CNTNAP2: variants seen among roughly 807,000 people sequenced by gnomAD.
The protein encoded by CNTNAP2 is contactin-associated protein-like 2.
CNTNAP2 carries 98 observed loss-of-function variants against 155.2 expected under a neutral mutation model. That is an observed-to-expected ratio of 0.63 (90% CI 0.54 to 0.75). The LOEUF is 0.75. Ranked by LOEUF, CNTNAP2 falls within the 30% of genes least tolerant of loss-of-function variation. The probability of loss-of-function intolerance (pLI) is 0.00; values close to 1 mark genes in which losing one functional copy is unlikely to be tolerated. For missense variants in CNTNAP2, 1,727 were observed against 1,688.1 expected (o/e 1.02, Z -0.40); for synonymous variants, 651 against 631.2 (o/e 1.03, Z -0.47).
Position 148,229,679 on chromosome 7 carries a change from C to G in CNTNAP2, c.3281C>G (p.Thr1094Ser), listed in dbSNP as rs781096937. 1.9e-6 allele frequency: 3 copies of G among 1,614,106 alleles called. No homozygotes were observed. The highest frequency in any genetic ancestry group is 2.5e-6 in the Non-Finnish European group (3 of 1,180,008). Residue 1094 changes from threonine to serine, a missense_variant, in exon 20 of 24, where the codon ACC (threonine) becomes AGC (serine). By Grantham distance (58) the Thr-to-Ser change is moderately conservative (BLOSUM62 1). Coordinates refer to ENST00000361727, the MANE Select transcript of CNTNAP2 (RefSeq NM_014141.6). ...CAGATTCGATACAACCTGGGTGGCACCCGAGAGCCATACAATATTGACGTA... is the reference window on the plus strand; with the variant it reads ...CAGATTCGATACAACCTGGGTGGCAGCCGAGAGCCATACAATATTGACGTA... ...SLQIRYNLGG[T>S]REPYNIDVDH...
intron 13 of CNTNAP2, among the ~76,000 whole-genome samples, chr7:147,789,689 A>C (rs1033363130): frequency 2.2e-4 from 34 of 152,160 alleles, no homozygotes; most frequent in African/African-American, 8.2e-4. Flanking sequence ...GGCACCATCT[A>C]TTGGCTGCTA....
intron 2 of CNTNAP2, among the ~76,000 whole-genome samples, chr7:146,808,924 GCTT>G (rs1803015468): frequency 6.6e-6 from 1 of 152,132 alleles, no homozygotes; most frequent in Admixed American, 6.5e-5. Context: ...ATGTGTTTGT[GCTT>G]GTGTGCATAC....
intron 2 of CNTNAP2, among the ~76,000 whole-genome samples, chr7:146,800,239 C>T (rs1158186588): frequency 6.6e-6 from 1 of 151,756 alleles, no homozygotes; most frequent in Non-Finnish European, 1.5e-5. Flanking sequence ...CAGCTACAAT[C>T]AGATTTGAAA....
At chr7:146,729,930 G>T (rs200761804) in intron 1 of CNTNAP2, among the ~76,000 whole-genome samples, 2 of 152,126 alleles carry the variant, frequency 1.3e-5, no homozygotes, top group East Asian at 1.9e-4. Flanking sequence ...AAGTTTTTAG[G>T]TAATCAATCT....
chr7:147,939,373 G>C (rs1395979793), intron 14 of CNTNAP2, among the ~76,000 whole-genome samples: 2 of 151,996 alleles, frequency 1.3e-5, no homozygotes, highest in Non-Finnish European at 1.5e-5. Flanking sequence ...CTGTGGCCCA[G>C]GCTGGAGTGC....
rs1797334907 is a variant in CNTNAP2, at chr7:146,952,382, C to T, written c.403-91525C>T. Among the ~76,000 whole-genome samples the T allele has an allele frequency of 2.6e-5, 4 of 152,014 alleles. No individual in the cohort carries two copies. The South Asian group carries it at 8.3e-4, about 32-fold the overall frequency. On this transcript the variant is annotated intron_variant, in intron 3 of 23. Coordinates refer to ENST00000361727, the MANE Select transcript of CNTNAP2 (RefSeq NM_014141.6). ...GAAAACTGGCACAAGACAAGTATGC[C>T]CTCTCTCACCACTCCTATTCAACAG...
At chr7:146,483,282 A>AATATATATATATATAT (rs200796835) in intron 1 of CNTNAP2, among the ~76,000 whole-genome samples, 1 of 39,870 alleles carries the variant, frequency 2.5e-5, no homozygotes, top group Non-Finnish European at 5.0e-5. Flanking sequence ...TCTAAAAAAA[A>AATATATATATATATAT]ATATATATAT....
chr7:147,466,975 C>T (rs578105646), intron 10 of CNTNAP2, among the ~76,000 whole-genome samples: 47 of 152,282 alleles, frequency 3.1e-4, no homozygotes, highest in African/African-American at 1.1e-3. Context: ...GGGAGAATAT[C>T]TTTTATTTAA....
intron 11 of CNTNAP2, among the ~76,000 whole-genome samples, chr7:147,541,258 T>C (rs535625797): frequency 1.3e-5 from 2 of 152,306 alleles, no homozygotes; most frequent in South Asian, 2.1e-4. Flanking sequence ...GGCTATAGGC[T>C]CAAATCTCAT....
chr7:146,317,020 G>A (rs772616277), intron 1 of CNTNAP2, among the ~76,000 whole-genome samples: 23 of 152,052 alleles, frequency 1.5e-4, no homozygotes, highest in South Asian at 4.1e-4. Flanking sequence ...GTTATGTACC[G>A]CATACCATGA....
intron 9 of CNTNAP2, among the ~76,000 whole-genome samples, chr7:147,364,936 CA>C (rs1315058076): frequency 6.6e-6 from 1 of 151,730 alleles, no homozygotes; most frequent in Non-Finnish European, 1.5e-5. Context: ...GTCACAGGAA[CA>C]AAGAGTTTAT....
At chr7:147,504,903 G>A (rs914956534) in intron 11 of CNTNAP2, among the ~76,000 whole-genome samples, 2 of 151,194 alleles carry the variant, frequency 1.3e-5, no homozygotes, top group African/African-American at 2.4e-5. Context: ...TTGCTTCCCC[G>A]ACCATTTTGA....
intron 3 of CNTNAP2, among the ~76,000 whole-genome samples, chr7:146,927,187 T>G (rs1796625680): frequency 6.6e-6 from 1 of 152,174 alleles, no homozygotes; most frequent in African/African-American, 2.4e-5. Context: ...CTGTAAGACT[T>G]AGATGTGTAT....
intron 1 of CNTNAP2, among the ~76,000 whole-genome samples, chr7:146,670,455 G>C (rs945018722): frequency 6.9e-5 from 9 of 130,466 alleles, no homozygotes; most frequent in African/African-American, 2.7e-4. Flanking sequence ...CTCACTTCTA[G>C]ATGTGCGAAC....
chr7:146,385,285 A>G (rs990846556), intron 1 of CNTNAP2, among the ~76,000 whole-genome samples: 2 of 152,168 alleles, frequency 1.3e-5, no homozygotes, highest in Non-Finnish European at 2.9e-5. Flanking sequence ...CCTAGGGATT[A>G]AAGTTAATTC....
At chr7:146,361,340 T>A (rs892081788) in intron 1 of CNTNAP2, among the ~76,000 whole-genome samples, 2 of 152,198 alleles carry the variant, frequency 1.3e-5, no homozygotes, top group Non-Finnish European at 2.9e-5. Context: ...CTTGAGTATG[T>A]GCAGATTTGG....
chr7:147,987,115 T>C (rs530202354), intron 15 of CNTNAP2, among the ~76,000 whole-genome samples: 1 of 152,180 alleles, frequency 6.6e-6, no homozygotes, highest in East Asian at 1.9e-4. Flanking sequence ...GATCACAACC[T>C]AGGCTGACTC....
chr7:147,451,271 G>A (rs533781483), intron 10 of CNTNAP2, among the ~76,000 whole-genome samples: 4 of 152,250 alleles, frequency 2.6e-5, no homozygotes, highest in South Asian at 4.2e-4. Context: ...ACAGCCCTTC[G>A]GGGATATGTT....
At chr7:148,018,576 A>G (rs1047309608) in intron 15 of CNTNAP2, among the ~76,000 whole-genome samples, 2 of 152,254 alleles carry the variant, frequency 1.3e-5, no homozygotes, top group African/African-American at 2.4e-5. Context: ...GATTTAAGTT[A>G]TGGATGAAAC....
Sources: allele counts gnomAD v4.1 joint callset (sites outside exome capture counted in the v4.1 genomes callset), GRCh38; gene constraint gnomAD v4.1.1; transcripts MANE v1.5; gene names NCBI Gene and HGNC (gene_info 2026-07-23, HGNC 2026-07-21).